The following CLIP4 variants were observed in gnomAD, a reference collection of about 807,000 sequenced individuals.
The protein encoded by CLIP4 is CAP-Gly domain containing linker protein family member 4.
A neutral mutation model predicts 73.1 loss-of-function variants in CLIP4; 47 were observed. The observed-to-expected ratio is 0.64, with a 90% CI of 0.51 to 0.82. The LOEUF (loss-of-function observed/expected upper bound fraction) is 0.82, where lower values mean the gene tolerates loss of function less well. Ranked by LOEUF, CLIP4 falls within the 40% of genes least tolerant of loss-of-function variation. The pLI, the probability that CLIP4 is intolerant of heterozygous loss-of-function variation, is 0.00. For synonymous variants in CLIP4, 306 were observed against 295.4 expected (o/e 1.04, Z -0.37); for missense variants, 874 against 852.9 (o/e 1.02, Z -0.31).
intron 15 of CLIP4, chr2:29,175,352 T>G (rs1466259815): frequency 6.6e-6 from 1 of 152,298 alleles, no homozygotes; most frequent in Non-Finnish European, 1.5e-5. Context: ...TTGAGAATTT[T>G]GAAGGTCTTC....
intron 15 of CLIP4, 174 bp downstream of exon 15, chr2:29,174,619 G>A (rs550996839): frequency 2.2e-5 from 30 of 1,342,498 alleles, no homozygotes; most frequent in East Asian, 8.8e-5. Flanking sequence ...CTTTGCAAGC[G>A]CAATTAAAAA....
Position 29,157,357 on chromosome 2 carries a change from G to C in CLIP4, c.1399+10G>C. On this transcript the variant is annotated intron_variant, in intron 11 of 15. Coordinates refer to ENST00000320081, the MANE Select transcript of CLIP4 (RefSeq NM_024692.6). Reference sequence around the variant, plus strand: ...TCCAGAGCCAGTGCTGGTATCTATGGCTTTTTCAACCAGGCTTTCTTGGTG... The same window carrying C: ...TCCAGAGCCAGTGCTGGTATCTATGCCTTTTTCAACCAGGCTTTCTTGGTG... 6.2e-7 allele frequency: 1 copy of C among 1,613,880 alleles called. No individual in the cohort carries two copies. Among genetic ancestry groups the C allele is most frequent in the Non-Finnish European group, 8.5e-7 (1 of 1,179,848 alleles).
chr2:29,175,053 A>G (rs919529269), intron 15 of CLIP4, among the ~76,000 whole-genome samples: 2 of 152,118 alleles, frequency 1.3e-5, no homozygotes, highest in African/African-American at 4.8e-5. Flanking sequence ...CAGTTAATCT[A>G]TGAATAATAC....
At chr2:29,122,143 A>C (rs777310578) in intron 2 of CLIP4, among the ~76,000 whole-genome samples, 1 of 152,110 alleles carries the variant, frequency 6.6e-6, no homozygotes, top group Non-Finnish European at 1.5e-5. Flanking sequence ...CAATTTTTAC[A>C]TATTAGTAGA....
At position 29,133,647 on chromosome 2, in the gene CLIP4, T is replaced by A. The variant is rs747505637; in HGVS notation, c.368-8T>A. The A allele has an allele frequency of 6.3e-7, 1 of 1,590,228 alleles. No homozygotes were observed. Among genetic ancestry groups the A allele is most frequent in the Non-Finnish European group, 8.5e-7 (1 of 1,172,976 alleles). On this transcript the variant is annotated splice_polypyrimidine_tract_variant and splice_region_variant and intron_variant, in intron 4 of 15. Coordinates refer to ENST00000320081, the MANE Select transcript of CLIP4 (RefSeq NM_024692.6). ...CTAAAGGAAAGTAATTTAGAAAATC[T>A]TCTTTAGGTGATGTGGAAACAGCTG... is the stretch of plus-strand genomic sequence containing the variant.
intron 1 of CLIP4, among the ~76,000 whole-genome samples, chr2:29,101,746 G>A (rs1409560559): frequency 6.6e-6 from 1 of 152,108 alleles, no homozygotes; most frequent in Non-Finnish European, 1.5e-5. Context: ...CTTGATAAAG[G>A]GCTTAGAGTT....
chr2:29,169,776 C>T (rs2148085696), intron 14 of CLIP4, among the ~76,000 whole-genome samples: 1 of 152,252 alleles, frequency 6.6e-6, no homozygotes, highest in African/African-American at 2.4e-5. Flanking sequence ...TCTCTCCTAG[C>T]TATTTTTAAA....
At chr2:29,149,160 G>A (rs1666372051) in intron 8 of CLIP4, among the ~76,000 whole-genome samples, 1 of 152,192 alleles carries the variant, frequency 6.6e-6, no homozygotes, top group Non-Finnish European at 1.5e-5. Context: ...GTAAGCAGAT[G>A]GACGTGGCTA....
intron 2 of CLIP4, 89 bp from the exon 3 acceptor site, chr2:29,131,169 C>T: frequency 9.0e-7 from 1 of 1,116,508 alleles, no homozygotes; most frequent in Non-Finnish European, 1.3e-6. Flanking sequence ...ATATTTGTAT[C>T]ATTTGAACCT....
intron 6 of CLIP4, 139 bp from the exon 7 acceptor site, chr2:29,143,570 A>G (rs75739801): frequency 1.5e-5 from 10 of 651,768 alleles, no homozygotes; most frequent in Non-Finnish European, 2.2e-5. Context: ...GTGTCTGCAT[A>G]TTGTAGGCGT....
chr2:29,116,072 C>T (rs1663798750), intron 1 of CLIP4, among the ~76,000 whole-genome samples: 1 of 152,184 alleles, frequency 6.6e-6, no homozygotes, highest in Non-Finnish European at 1.5e-5. Flanking sequence ...CTTGACTCCC[C>T]TTGCGCATTA....
At chr2:29,167,430 T>C in intron 13 of CLIP4, 46 bp from the exon 14 acceptor site, 3 of 1,432,962 alleles carry the variant, frequency 2.1e-6, no homozygotes, top group Non-Finnish European at 1.9e-6. Context: ...GTCTTAAACC[T>C]GAAGACCAGC....
intron 2 of CLIP4, chr2:29,130,104 A>C (rs1664868899): frequency 2.1e-6 from 1 of 470,304 alleles, no homozygotes; most frequent in African/African-American, 2.0e-5. Flanking sequence ...GAAGGAGGAG[A>C]GCTCAGATTC....
At chr2:29,154,269 C>T (rs940873193) in intron 9 of CLIP4, among the ~76,000 whole-genome samples, 22 of 152,162 alleles carry the variant, frequency 1.4e-4, no homozygotes, top group African/African-American at 4.8e-4. Context: ...TATTTCTGGT[C>T]TGAGGAGCAG....
intron 1 of CLIP4, among the ~76,000 whole-genome samples, chr2:29,107,465 G>A (rs1028801582): frequency 1.8e-4 from 24 of 134,292 alleles, no homozygotes; most frequent in Admixed American, 4.5e-4. Flanking sequence ...TCCGCCTCCC[G>A]GGTTCATGCC....
chr2:29,151,514 A>G (rs550933357), intron 8 of CLIP4, among the ~76,000 whole-genome samples: 11 of 131,394 alleles, frequency 8.4e-5, no homozygotes, highest in Non-Finnish European at 1.7e-4. Context: ...AGAAGAGAGA[A>G]CATTGTAAAT....
At chr2:29,131,160 T>C (rs1260153042) in intron 2 of CLIP4, 98 bp from the exon 3 acceptor site, 1 of 1,081,648 alleles carries the variant, frequency 9.2e-7, no homozygotes, top group Admixed American at 2.9e-5. Context: ...GCATCTAAAA[T>C]ATTTGTATCA....
chr2:29,119,135 G>T (rs933812560), intron 1 of CLIP4, among the ~76,000 whole-genome samples: 3 of 152,222 alleles, frequency 2.0e-5, no homozygotes, highest in Non-Finnish European at 2.9e-5. Flanking sequence ...TACAAAGAAT[G>T]TTCACTGCAT....
intron 1 of CLIP4, among the ~76,000 whole-genome samples, chr2:29,099,551 A>G (rs1049843439): frequency 6.6e-6 from 1 of 152,124 alleles, no homozygotes; most frequent in Non-Finnish European, 1.5e-5. Flanking sequence ...ATTAGATTCC[A>G]TTGATTTATT....
Sources: allele counts gnomAD v4.1 joint callset (sites outside exome capture counted in the v4.1 genomes callset), GRCh38; gene constraint gnomAD v4.1.1; transcripts MANE v1.5; gene names NCBI Gene and HGNC (gene_info 2026-07-23, HGNC 2026-07-21).